Variants in RAB28 observed in about 807,000 individuals in gnomAD.
RAB28 encodes the protein ras-related protein Rab-28.
In RAB28, 24 loss-of-function variants were observed where a neutral mutation model predicts 31.7. The ratio of observed to expected loss-of-function variants is 0.76; its 90% CI spans 0.55 to 1.06. RAB28 has a LOEUF of 1.06. Ranked by LOEUF, RAB28 falls within the 50% of genes least tolerant of loss-of-function variation. The probability of loss-of-function intolerance (pLI) is 0.00; values close to 1 mark genes in which losing one functional copy is unlikely to be tolerated. For synonymous variants in RAB28, 100 were observed against 90.4 expected, an observed-to-expected ratio of 1.11 and a Z score of -0.60; for missense variants, 254 against 258.5, an observed-to-expected ratio of 0.98 and a Z score of 0.12.
At chr4:13,462,738 G>A (rs1017332364) in intron 3 of RAB28, among the ~76,000 whole-genome samples, 2 of 152,100 alleles carry the variant, frequency 1.3e-5, no homozygotes, top group African/African-American at 4.8e-5. Context: ...TCACTCGTCT[G>A]GTTCATTTTG....
At chr4:13,375,407 A>G (rs547792488) in intron 6 of RAB28, among the ~76,000 whole-genome samples, 1 of 152,288 alleles carries the variant, frequency 6.6e-6, no homozygotes, top group African/African-American at 2.4e-5. Context: ...ATCACTTATG[A>G]TAATCATAGA....
intron 2 of RAB28, among the ~76,000 whole-genome samples, chr4:13,477,743 A>C (rs1716427301): frequency 6.6e-6 from 1 of 151,434 alleles, no homozygotes; most frequent in African/African-American, 2.4e-5. Context: ...TACATGCCCT[A>C]ATGTCATTTT....
At chr4:13,430,173 A>AT (rs1219674013) in intron 4 of RAB28, among the ~76,000 whole-genome samples, 8 of 151,148 alleles carry the variant, frequency 5.3e-5, no homozygotes, top group East Asian at 1.9e-4. Flanking sequence ...ATTAAAAAAA[A>AT]TTTTTTTTTT....
chr4:13,380,463 T>C lies in RAB28; in HGVS notation c.495+1028A>G, dbSNP rs145808023. ...GGTCATAGAAAATTTCTAAATACAA[T>C]AGAAAGTTATAACAAGTAAAAAGCA... On this transcript the variant is annotated intron_variant, in intron 5 of 6. Coordinates refer to ENST00000330852, the MANE Select transcript of RAB28 (RefSeq NM_001017979.3). Among the ~76,000 whole-genome samples, 698 of 151,652 alleles carry C rather than the reference T, an allele frequency of 4.6e-3. 6 individuals carry two copies. The highest frequency in any genetic ancestry group is 0.016 in the African/African-American group (665 of 41,502).
chr4:13,427,371 T>C (rs915503601), intron 4 of RAB28, among the ~76,000 whole-genome samples: 1 of 152,204 alleles, frequency 6.6e-6, no homozygotes, highest in Non-Finnish European at 1.5e-5. Flanking sequence ...ACACAATGAA[T>C]GTCAGACAAG....
chr4:13,373,743 C>T (rs1728808511), intron 6 of RAB28, among the ~76,000 whole-genome samples: 1 of 152,110 alleles, frequency 6.6e-6, no homozygotes, highest in South Asian at 2.1e-4. Context: ...GAAACTAGGA[C>T]TAAAACCTCA....
At chr4:13,408,108 T>C (rs908804342) in intron 4 of RAB28, among the ~76,000 whole-genome samples, 25 of 152,216 alleles carry the variant, frequency 1.6e-4, no homozygotes, top group African/African-American at 6.0e-4. Context: ...AAGGGAATGC[T>C]TCCAGCTTTT....
At chr4:13,456,992 C>T (rs1477914176) in intron 4 of RAB28, among the ~76,000 whole-genome samples, 1 of 152,082 alleles carries the variant, frequency 6.6e-6, no homozygotes, top group Non-Finnish European at 1.5e-5. Flanking sequence ...TGTATTCACC[C>T]TCTCTTTTTC....
chr4:13,446,558 G>A (rs2108946770), intron 4 of RAB28, among the ~76,000 whole-genome samples: 1 of 152,300 alleles, frequency 6.6e-6, no homozygotes, highest in East Asian at 1.9e-4. Flanking sequence ...CGTAGCACCC[G>A]GGGTAGGTAG....
chr4:13,457,525 A>C (rs900429993), intron 4 of RAB28, among the ~76,000 whole-genome samples: 2 of 152,078 alleles, frequency 1.3e-5, no homozygotes, highest in African/African-American at 4.8e-5. Flanking sequence ...GTGACTGCAT[A>C]CACTAATATA....
intron 4 of RAB28, among the ~76,000 whole-genome samples, chr4:13,390,783 T>C (rs1168550117): frequency 6.6e-6 from 1 of 151,994 alleles, no homozygotes; most frequent in Non-Finnish European, 1.5e-5. Flanking sequence ...TTGACAAACC[T>C]GACAAAAACA....
chr4:13,455,661 C>T (rs1036157186), intron 4 of RAB28, among the ~76,000 whole-genome samples: 5 of 152,180 alleles, frequency 3.3e-5, no homozygotes, highest in African/African-American at 4.8e-5. Flanking sequence ...GCTAGTAATC[C>T]GGAGCAAGGC....
At position 13,462,030 on chromosome 4, in the gene RAB28, T is replaced by C. The variant is rs1206563691; in HGVS notation, c.262-1202A>G. 2.0e-5 allele frequency among the ~76,000 whole-genome samples: 3 copies of C among 152,172 alleles called. No homozygotes were observed. In the South Asian group the frequency reaches 6.2e-4, roughly 31 times the overall value. On this transcript the variant is annotated intron_variant, in intron 3 of 6. Coordinates refer to ENST00000330852, the MANE Select transcript of RAB28 (RefSeq NM_001017979.3). ...CCAAAGACTAAATAATTAAAAACAT[T>C]TGTCTGTCAACTAAACTCCAAGCAT...
chr4:13,464,491 A>G (rs967047563), intron 3 of RAB28, among the ~76,000 whole-genome samples: 15 of 152,062 alleles, frequency 9.9e-5, no homozygotes, highest in African/African-American at 3.4e-4. Flanking sequence ...AGCCCACTAA[A>G]GACTAAAACT....
chr4:13,388,274 C>T (rs1729469514), intron 4 of RAB28, among the ~76,000 whole-genome samples: 1 of 152,034 alleles, frequency 6.6e-6, no homozygotes, highest in Admixed American at 6.6e-5. Context: ...GGGAAAAGGA[C>T]AATCTCTTCA....
At chr4:13,455,473 C>G (rs1292351224) in intron 4 of RAB28, among the ~76,000 whole-genome samples, 2 of 152,192 alleles carry the variant, frequency 1.3e-5, no homozygotes, top group Non-Finnish European at 2.9e-5. Context: ...CTGTGGTGTT[C>G]AGCCACACAT....
chr4:13,375,768 A>AACAC lies in RAB28; in HGVS notation c.573+773_573+776dup, dbSNP rs377543521. ...CAAATATTTGCTTCAATTGTTTTAA[A>AACAC]ACACACACACACACACACACACACA... On this transcript the variant is annotated intron_variant, in intron 6 of 6. Coordinates refer to ENST00000330852, the MANE Select transcript of RAB28 (RefSeq NM_001017979.3). 7.8e-3 allele frequency among the ~76,000 whole-genome samples: 1,156 copies of AACAC among 148,136 alleles called. 11 individuals are homozygous for AACAC. The highest frequency in any genetic ancestry group is 0.024 in the African/African-American group (948 of 40,148).
At chr4:13,429,239 G>A (rs1443543203) in intron 4 of RAB28, among the ~76,000 whole-genome samples, 6 of 152,094 alleles carry the variant, frequency 3.9e-5, no homozygotes, top group East Asian at 1.9e-4. Context: ...GAGCCACTGC[G>A]CCTGGCCAAT....
At chr4:13,460,507 C>T (rs1052955495) in intron 4 of RAB28, among the ~76,000 whole-genome samples, 192 bp downstream of exon 4, 10 of 152,144 alleles carry the variant, frequency 6.6e-5, no homozygotes, top group Non-Finnish European at 1.2e-4. Flanking sequence ...TTAGCCACTG[C>T]GCCCTGCCAG....
Sources: gnomAD v4.1 joint callset for allele counts (sites outside exome capture counted in the v4.1 genomes callset) on GRCh38, gnomAD v4.1.1 for gene constraint, MANE v1.5 for transcripts, NCBI Gene and HGNC (gene_info 2026-07-23, HGNC 2026-07-21) for gene names.